POU2AF2: variants seen among roughly 807,000 people sequenced by gnomAD.
POU2AF2 encodes the protein POU domain class 2-associating factor 2.
chr11:111,248,809 G>C, the POU2AF2 span, among the ~76,000 whole-genome samples: 2 of 152,198 alleles, frequency 1.3e-5, no homozygotes, highest in African/African-American at 2.4e-5. Context: ...AGTGCCATAA[G>C]TGTATTTGAT....
the POU2AF2 span, among the ~76,000 whole-genome samples, chr11:111,260,005 A>C: frequency 6.6e-6 from 1 of 152,328 alleles, no homozygotes; most frequent in East Asian, 1.9e-4. Context: ...ACTACTCTAG[A>C]ATATCTGTAA....
At chr11:111,286,190 A>T in the POU2AF2 span, 1 of 958,792 alleles carries the variant, frequency 1.0e-6, no homozygotes, top group Non-Finnish European at 1.5e-6. Flanking sequence ...GGACGAGGGC[A>T]TTTATTTGTA....
the POU2AF2 span, among the ~76,000 whole-genome samples, chr11:111,280,058 ATATATATATATAT>A: frequency 1.9e-4 from 7 of 36,052 alleles, no homozygotes; most frequent in South Asian, 8.4e-3. Context: ...AAAAAAAAAA[ATATATATATATAT>A]ATATATATAT....
the POU2AF2 span, among the ~76,000 whole-genome samples, chr11:111,249,835 G>A: frequency 4.0e-5 from 6 of 151,866 alleles, no homozygotes; most frequent in Non-Finnish European, 8.8e-5. Context: ...CACCCCTACC[G>A]CTTGAAGTCC....
chr11:111,264,539 A>T, the POU2AF2 span, among the ~76,000 whole-genome samples: 1 of 68,596 alleles, frequency 1.5e-5, no homozygotes. Flanking sequence ...AAAGAAAGAA[A>T]GAAAGAAAGA....
chr11:111,268,995 C>T, the POU2AF2 span, among the ~76,000 whole-genome samples: 29 of 151,916 alleles, frequency 1.9e-4, no homozygotes, highest in Non-Finnish European at 4.3e-4. Context: ...ATAAATATAT[C>T]TTATTTATCC....
the POU2AF2 span, among the ~76,000 whole-genome samples, chr11:111,258,023 T>C: frequency 6.6e-6 from 1 of 151,978 alleles, no homozygotes; most frequent in African/African-American, 2.4e-5. Context: ...GAGGCTGAAG[T>C]GGGAGGATCA....
At chr11:111,265,895 C>T in the POU2AF2 span, among the ~76,000 whole-genome samples, 1 of 151,244 alleles carries the variant, frequency 6.6e-6, no homozygotes, top group Admixed American at 6.6e-5. Context: ...AAAGTGGAAG[C>T]TGTAGTTACC....
At chr11:111,261,230 G>A in the POU2AF2 span, among the ~76,000 whole-genome samples, 1 of 149,850 alleles carries the variant, frequency 6.7e-6, no homozygotes, top group African/African-American at 2.5e-5. Context: ...ATATATAAAT[G>A]TGAGCCGTTC....
At chr11:111,254,144 C>T in the POU2AF2 span, among the ~76,000 whole-genome samples, 1 of 152,140 alleles carries the variant, frequency 6.6e-6, no homozygotes, top group African/African-American at 2.4e-5. Flanking sequence ...ATCAATGTGA[C>T]CTTAGGCTTT....
the POU2AF2 span, among the ~76,000 whole-genome samples, chr11:111,257,360 T>A: frequency 3.4e-5 from 5 of 149,230 alleles, no homozygotes; most frequent in Non-Finnish European, 7.5e-5. Context: ...TTTTATGTTA[T>A]CTTTTTTTTT....
chr11:111,273,833 G>A, the POU2AF2 span, among the ~76,000 whole-genome samples: 1 of 152,168 alleles, frequency 6.6e-6, no homozygotes, highest in Non-Finnish European at 1.5e-5. Context: ...CTGTGAGCCT[G>A]CCGTGTTAGC....
At chr11:111,250,425 C>G in the POU2AF2 span, among the ~76,000 whole-genome samples, 1 of 152,106 alleles carries the variant, frequency 6.6e-6, no homozygotes, top group Admixed American at 6.5e-5. Flanking sequence ...ATTTTTGCAG[C>G]CAAGTTTTTA....
At chr11:111,282,537 A>G in the POU2AF2 span, among the ~76,000 whole-genome samples, 35,399 of 152,210 alleles carry the variant, frequency 0.23, 5,023 homozygotes, top group Admixed American at 0.32. Context: ...CTTGAACACA[A>G]TGTTATACTA....
chr11:111,284,342 C>T, the POU2AF2 span: 4 of 1,609,856 alleles, frequency 2.5e-6, no homozygotes, highest in Non-Finnish European at 2.5e-6. Flanking sequence ...GCTCCTGCCA[C>T]CGCCCTTCCC....
the POU2AF2 span, among the ~76,000 whole-genome samples, chr11:111,281,218 C>T: frequency 1.3e-5 from 2 of 152,140 alleles, no homozygotes; most frequent in African/African-American, 4.8e-5. Flanking sequence ...CTCTTTGTCC[C>T]TTGTAAAACT....
At chr11:111,266,265 T>C in the POU2AF2 span, among the ~76,000 whole-genome samples, 1 of 152,146 alleles carries the variant, frequency 6.6e-6, no homozygotes, top group Admixed American at 6.5e-5. Context: ...AGGGTCAGCA[T>C]TCAGTGTTCT....
chr11:111,284,215 G>A, the POU2AF2 span: 1 of 1,614,158 alleles, frequency 6.2e-7, no homozygotes, highest in Non-Finnish European at 8.5e-7. Flanking sequence ...CCTCCGCAGG[G>A]CAGAGCCATG....
chr11:111,263,566 G>A, the POU2AF2 span, among the ~76,000 whole-genome samples: 1 of 151,548 alleles, frequency 6.6e-6, no homozygotes, highest in Non-Finnish European at 1.5e-5. Context: ...CTGAGTAGCT[G>A]GGAATACAGG....
Sources: allele counts gnomAD v4.1 joint callset (sites outside exome capture counted in the v4.1 genomes callset), GRCh38; gene constraint gnomAD v4.1.1; transcripts MANE v1.5; gene names NCBI Gene and HGNC (gene_info 2026-07-23, HGNC 2026-07-21).